The following CFAP46 variants were observed in gnomAD, a reference collection of about 807,000 sequenced individuals.
CFAP46 encodes the protein cilia and flagella associated protein 46.
A neutral mutation model predicts 325.7 loss-of-function variants in CFAP46; 245 were observed. That is an observed-to-expected ratio of 0.75 (90% CI 0.68 to 0.84). CFAP46 has a LOEUF of 0.84. Ranked by LOEUF, CFAP46 falls within the 40% of genes least tolerant of loss-of-function variation. CFAP46 has a pLI of 0.00. For synonymous variants in CFAP46, 1,523 were observed against 1,495.9 expected (o/e 1.02, Z -0.42); for missense variants, 3,346 against 3,543.0 (o/e 0.94, Z 1.41).
rs541294309 is a variant in CFAP46 at position 132,911,828 on chromosome 10, C to T, written c.2499+827G>A. Among the ~76,000 whole-genome samples, 9 of 152,104 alleles carry T rather than the reference C, an allele frequency of 5.9e-5. No individual in the cohort carries two copies. The South Asian group carries it at 6.2e-4, about 11-fold the overall frequency. ...CCTGTTTCTCGCCGTTCCAATCCGC[C>T]GTTTCTGGTTCTATTTCCACTCTCC... On this transcript the variant is annotated intron_variant, in intron 19 of 57. Coordinates refer to ENST00000368586, the MANE Select transcript of CFAP46 (RefSeq NM_001200049.3).
At position 132,879,482 on chromosome 10, in the gene CFAP46, C is replaced by T. The variant is rs565267024; in HGVS notation, c.3949G>A (p.Glu1317Lys). Reference sequence around the variant, plus strand: ...GCAAGGCAGCAGTCCTCGTAGCCCTCGGCGCCCGGCGACAGCACCAGGGCC... The same window carrying T: ...GCAAGGCAGCAGTCCTCGTAGCCCTTGGCGCCCGGCGACAGCACCAGGGCC... ...LLALVLSPGAEGYEDCCLAAY... is the reference protein window; with the variant it reads ...LLALVLSPGAKGYEDCCLAAY... Residue 1317 changes from glutamate to lysine, a missense_variant, in exon 29 of 58, where the codon GAG becomes AAG. Physicochemically the swap from Glu to Lys is moderately conservative, Grantham distance 56. Coordinates refer to ENST00000368586, the MANE Select transcript of CFAP46 (RefSeq NM_001200049.3). The T allele has an allele frequency of 4.0e-4, 619 of 1,546,408 alleles. No individual in the cohort carries two copies. Among genetic ancestry groups the T allele is most frequent in the Non-Finnish European group, 5.1e-4 (579 of 1,145,504 alleles).
At chr10:132,850,829 CATTA>C (rs983950356) in intron 40 of CFAP46, among the ~76,000 whole-genome samples, 10 of 152,100 alleles carry the variant, frequency 6.6e-5, no homozygotes, top group Non-Finnish European at 1.0e-4. Flanking sequence ...TCCACATATG[CATTA>C]ATTATTAATA....
In CFAP46 at chr10:132,848,436, G is replaced by GT. The variant is rs1848477217; in HGVS notation, c.5953-1116_5953-1115insA. ...TGCGGCAGCACTGGTGAGTCGGGGG[G>GT]AGGGAGGGCAGCAGAGAAGCCTTCG... is the stretch of plus-strand genomic sequence containing the variant. On this transcript the variant is annotated intron_variant, in intron 41 of 57. Coordinates refer to ENST00000368586, the MANE Select transcript of CFAP46 (RefSeq NM_001200049.3). 2.0e-5 allele frequency among the ~76,000 whole-genome samples: 3 copies of GT among 152,102 alleles called. No homozygotes were observed. The South Asian group carries it at 6.2e-4, about 32-fold the overall frequency.
intron 41 of CFAP46, among the ~76,000 whole-genome samples, chr10:132,849,590 G>A (rs929236231): frequency 2.6e-5 from 4 of 152,218 alleles, no homozygotes; most frequent in Non-Finnish European, 5.9e-5. Flanking sequence ...CCAGGGTCCT[G>A]AGGGAGCAGG....
At chr10:132,888,316 CCT>C in intron 25 of CFAP46, among the ~76,000 whole-genome samples, 1 of 121,272 alleles carries the variant, frequency 8.2e-6, no homozygotes, top group African/African-American at 4.9e-5. Flanking sequence ...ACCCCTGCCA[CCT>C]TCACCCCTGC....
At chr10:132,911,462 C>A (rs1332074065) in intron 19 of CFAP46, among the ~76,000 whole-genome samples, 1 of 152,188 alleles carries the variant, frequency 6.6e-6, no homozygotes, top group East Asian at 1.9e-4. Flanking sequence ...CTCCCCCGCC[C>A]CGTGCCCCTG....
rs892060195 is a variant in CFAP46 at position 132,832,778 on chromosome 10, C to A, written c.7117+580G>T. The A allele has an allele frequency of 2.1e-6, 1 of 471,276 alleles. No individual in the cohort carries two copies. Among genetic ancestry groups the A allele is most frequent in the East Asian group, 7.0e-5 (1 of 14,380 alleles). The allele number at this position is 471,276 out of a possible 1,614,324, so 29.2% of individuals were successfully genotyped here. A position where few individuals can be genotyped will look rare whatever the true frequency, so the allele number is the denominator to read the frequency against. On this transcript the variant is annotated intron_variant, in intron 50 of 57. Transcript: ENST00000368586. The surrounding 1 kb of genome is among the most constrained non-coding windows in gnomAD (Gnocchi z 4.1). ...TCCCAGCCGAGGTCAGGGCCTTCCG[C>A]GCGCTCCCTCGTGCTTTTCACTGTC...
chr10:132,855,098 CTAT>C (rs1848621456), intron 39 of CFAP46, among the ~76,000 whole-genome samples: 1 of 152,182 alleles, frequency 6.6e-6, no homozygotes, highest in Admixed American at 6.5e-5. Context: ...GCTACTTACT[CTAT>C]TAACACTGAG....
At position 132,886,241 on chromosome 10, in the gene CFAP46, G is replaced by A. The variant is rs975542226; in HGVS notation, c.3305-282C>T. ...TCTCCATCTCCTTGGAGAATTCTGC[G>A]TTCACAAACACAGACCTGTGTTTCC... is the stretch of plus-strand genomic sequence containing the variant. On this transcript the variant is annotated intron_variant, in intron 25 of 57. Transcript: ENST00000368586. The surrounding 1 kb of genome is among the most constrained non-coding windows in gnomAD (Gnocchi z 5.8). Among the ~76,000 whole-genome samples, 12 of 152,282 alleles carry A rather than the reference G, an allele frequency of 7.9e-5. No individual in the cohort carries two copies. The highest frequency in any genetic ancestry group is 5.8e-4 in the East Asian group (3 of 5,170).
At chr10:132,938,265 G>A (rs1330787535) in intron 5 of CFAP46, among the ~76,000 whole-genome samples, 6 of 152,206 alleles carry the variant, frequency 3.9e-5, no homozygotes, top group Non-Finnish European at 4.4e-5. Flanking sequence ...CGTCTACTGC[G>A]TTACCATTTT....
chr10:132,928,383 C>T (rs567018165), intron 9 of CFAP46, among the ~76,000 whole-genome samples: 47 of 152,354 alleles, frequency 3.1e-4, no homozygotes, highest in African/African-American at 1.1e-3. Flanking sequence ...GAGCCTCCCA[C>T]GCTGCTCCCA....
chr10:132,863,107 G>T (rs1848747102), intron 35 of CFAP46, among the ~76,000 whole-genome samples: 1 of 152,110 alleles, frequency 6.6e-6, no homozygotes, highest in African/African-American at 2.4e-5. Context: ...TCTGTCCTGG[G>T]TCTGGGCTCC....
At chr10:132,811,740 AGAG>A (rs1847585343) in intron 55 of CFAP46, among the ~76,000 whole-genome samples, 2 of 152,222 alleles carry the variant, frequency 1.3e-5, no homozygotes, top group Admixed American at 1.3e-4. Flanking sequence ...CAACTTTCAA[AGAG>A]GCCCATTTCT....
At chr10:132,859,047 C>T in intron 38 of CFAP46, 24 bp downstream of exon 38, 1 of 1,543,566 alleles carries the variant, frequency 6.5e-7, no homozygotes. Flanking sequence ...GACTCCCGTG[C>T]AGGGGTCGTG....
At position 132,908,491 on chromosome 10, in the gene CFAP46, G is replaced by C; in HGVS notation, c.2901C>G (p.Ile967Met). ...ACAHRALEMG[I>M]KYLKKFGPEE... ...ACGGCCCAAATTTCTTCAGGTACTT[G>C]ATGCCCATCTCCAGAGCCCTGTGAG... The change falls in exon 22 of 58, where the codon ATC (isoleucine) becomes ATG (methionine). Residue 967 changes from isoleucine to methionine, a missense_variant. Transcript: ENST00000368586. 3 of 1,550,540 alleles carry C rather than the reference G, an allele frequency of 1.9e-6. No individual in the cohort carries two copies. The highest frequency in any genetic ancestry group is 2.6e-6 in the Non-Finnish European group (3 of 1,146,992).
chr10:132,911,136 C>CCCTCCGCAG (rs1292396203), intron 19 of CFAP46, among the ~76,000 whole-genome samples: 1 of 152,252 alleles, frequency 6.6e-6, no homozygotes, highest in African/African-American at 2.4e-5. Context: ...CGGCGCCCTC[C>CCCTCCGCAG]CCTCCGCAGC....
chr10:132,900,029 G>C (rs1489839051), intron 22 of CFAP46, among the ~76,000 whole-genome samples: 2 of 152,178 alleles, frequency 1.3e-5, no homozygotes, highest in African/African-American at 4.8e-5. Flanking sequence ...CCTCAAGACT[G>C]TCACCCCAGC....
At chr10:132,912,611 CTCT>C (rs771462602) in intron 19 of CFAP46, 41 bp downstream of exon 19, 51 of 434,380 alleles carry the variant, frequency 1.2e-4, no homozygotes, top group Admixed American at 4.4e-4. Context: ...TCTCCTCTCT[CTCT>C]CTCTCTCTCT....
chr10:132,866,093 C>G lies in CFAP46; in HGVS notation c.4822G>C (p.Val1608Leu). 1 of 1,547,352 alleles carries G rather than the reference C, an allele frequency of 6.5e-7. No individual in the cohort carries two copies. The change falls in exon 35 of 58, where the codon GTT becomes CTT. Residue 1608 changes from valine (V) to leucine (L), a missense_variant. Transcript: ENST00000368586. ...TGGTACAGGTTCATCTCCAGCAGAA[C>G]TTCTGCCTTCAGCATCCACAGGTGG... ...FPHLWMLKAE[V>L]LLEMNLYQPA...
Sources: gnomAD v4.1 joint callset for allele counts (sites outside exome capture counted in the v4.1 genomes callset) on GRCh38, gnomAD v4.1.1 for gene constraint, Gnocchi (gnomAD v3.1) non-coding constraint, MANE v1.5 for transcripts, NCBI Gene and HGNC (gene_info 2026-07-23, HGNC 2026-07-21) for gene names.